PLD5: variants seen among roughly 807,000 people sequenced by gnomAD.
PLD5 encodes inactive phospholipase D5.
Under a neutral mutation model 61.1 loss-of-function variants are expected in PLD5, and 36 were observed. The observed-to-expected ratio is 0.59, with a 90% CI of 0.45 to 0.78. PLD5 has a LOEUF of 0.78. PLD5 is among the 30% of genes least tolerant of loss of function. The probability of loss-of-function intolerance (pLI) is 0.00; values close to 1 mark genes in which losing one functional copy is unlikely to be tolerated. For synonymous variants in PLD5, 243 were observed against 242.8 expected, an observed-to-expected ratio of 1.00 and a Z score of -0.01; for missense variants, 515 against 644.4, an observed-to-expected ratio of 0.80 and a Z score of 2.17.
At chr1:242,191,592 AAAG>A (rs1027969425) in intron 5 of PLD5, among the ~76,000 whole-genome samples, 2 of 152,192 alleles carry the variant, frequency 1.3e-5, no homozygotes, top group African/African-American at 4.8e-5. Context: ...TCTCGAGAAA[AAAG>A]AAAGAAAAAC....
chr1:242,402,665 T>C (rs1170113221), intron 1 of PLD5, among the ~76,000 whole-genome samples: 1 of 152,218 alleles, frequency 6.6e-6, no homozygotes, highest in Non-Finnish European at 1.5e-5. Context: ...GCTCACATAA[T>C]TTTTCTCTAC....
intron 4 of PLD5, among the ~76,000 whole-genome samples, chr1:242,233,310 G>A (rs1205597728): frequency 6.6e-6 from 1 of 152,198 alleles, no homozygotes; most frequent in African/African-American, 2.4e-5. Context: ...GGAATGACTT[G>A]CCTGTTGCCC....
At chr1:242,415,582 G>C (rs931209722) in intron 1 of PLD5, among the ~76,000 whole-genome samples, 6 of 150,070 alleles carry the variant, frequency 4.0e-5, no homozygotes, top group Non-Finnish European at 3.0e-5. Context: ...GCGAGATCTC[G>C]GTTCACTGCA....
intron 1 of PLD5, among the ~76,000 whole-genome samples, chr1:242,506,777 G>A (rs1015394371): frequency 1.4e-4 from 21 of 152,268 alleles, no homozygotes; most frequent in South Asian, 6.2e-4. Flanking sequence ...AATACTGGAC[G>A]GGAAAAGATT....
intron 5 of PLD5, among the ~76,000 whole-genome samples, chr1:242,166,278 G>C (rs767126915): frequency 1.3e-5 from 2 of 152,184 alleles, no homozygotes; most frequent in African/African-American, 2.4e-5. Context: ...TCACAGGTGG[G>C]ACAACTGGGC....
chr1:242,467,770 C>A (rs532996038), intron 1 of PLD5, among the ~76,000 whole-genome samples: 2 of 152,258 alleles, frequency 1.3e-5, no homozygotes, highest in South Asian at 4.1e-4. Context: ...TACTACTGAA[C>A]GATGGTTCCC....
intron 4 of PLD5, among the ~76,000 whole-genome samples, chr1:242,259,599 GAACTT>G (rs1195226227): frequency 6.6e-6 from 1 of 151,748 alleles, no homozygotes; most frequent in Non-Finnish European, 1.5e-5. Context: ...AAGAAAATGT[GAACTT>G]AACTTCTAGG....
intron 1 of PLD5, among the ~76,000 whole-genome samples, chr1:242,487,087 G>A (rs536332087): frequency 1.3e-5 from 2 of 152,080 alleles, no homozygotes; most frequent in Non-Finnish European, 2.9e-5. Flanking sequence ...GGGAGGGATA[G>A]CATTAGGAGA....
chr1:242,198,232 T>C (rs1668765910), intron 5 of PLD5, among the ~76,000 whole-genome samples: 1 of 152,194 alleles, frequency 6.6e-6, no homozygotes, highest in Admixed American at 6.5e-5. Context: ...ATTATAAGTG[T>C]TTGACTTCTG....
Position 242,360,511 on chromosome 1 carries a change from TGAAGAAA to T in PLD5, c.190-12276_190-12270del, listed in dbSNP as rs949892582. Among the ~76,000 whole-genome samples, 8 of 152,140 alleles carry T rather than the reference TGAAGAAA, an allele frequency of 5.3e-5. No individual in the cohort carries two copies. The South Asian group carries it at 8.3e-4, about 16-fold the overall frequency. ...ACTGTGTTGAAAAAAGCCCTCATAA[TGAAGAAA>T]GAAAACCACTCATAATCCTACTGAG... On this transcript the variant is annotated intron_variant, in intron 1 of 9. Transcript: ENST00000536534.
At chr1:242,319,519 TG>T (rs1290852343) in intron 2 of PLD5, among the ~76,000 whole-genome samples, 1 of 152,130 alleles carries the variant, frequency 6.6e-6, no homozygotes, top group Non-Finnish European at 1.5e-5. Context: ...CATGCAAATC[TG>T]CCCCCCAGTT....
chr1:242,134,824 C>T (rs1295440897), intron 5 of PLD5, among the ~76,000 whole-genome samples: 2 of 152,200 alleles, frequency 1.3e-5, no homozygotes, highest in African/African-American at 2.4e-5. Context: ...AGATTCCCAG[C>T]ACCATTGGTT....
At chr1:242,263,441 TGTG>T (rs1291494862) in intron 4 of PLD5, among the ~76,000 whole-genome samples, 1 of 150,982 alleles carries the variant, frequency 6.6e-6, no homozygotes, top group Non-Finnish European at 1.5e-5. Flanking sequence ...TAAAATGCAC[TGTG>T]ATCATTTAAT....
rs192909397 is a variant in PLD5 at position 242,108,531 on chromosome 1, A to C, written c.1071-692T>G. On this transcript the variant is annotated intron_variant, in intron 7 of 9. Coordinates refer to ENST00000536534, the MANE Select transcript of PLD5 (RefSeq NM_001372062.1). ...GTGCATTTTCTACCATGACCTGGCCACTTGGCTTATGATGTGGGGCAGACT... is the reference window on the plus strand; with the variant it reads ...GTGCATTTTCTACCATGACCTGGCCCCTTGGCTTATGATGTGGGGCAGACT... 3.4e-3 allele frequency among the ~76,000 whole-genome samples: 511 copies of C among 152,218 alleles called. 1 individual carries two copies. Among genetic ancestry groups the C allele is most frequent in the African/African-American group, 0.012 (492 of 41,554 alleles).
chr1:242,134,748 C>CACAT (rs1257855988), intron 5 of PLD5, among the ~76,000 whole-genome samples: 2 of 152,180 alleles, frequency 1.3e-5, no homozygotes, highest in Non-Finnish European at 2.9e-5. Context: ...GCTTTTCCCA[C>CACAT]ACATACGCCA....
chr1:242,379,678 C>T (rs188533558), intron 1 of PLD5, among the ~76,000 whole-genome samples: 2 of 152,188 alleles, frequency 1.3e-5, no homozygotes, highest in African/African-American at 4.8e-5. Context: ...CATGCAGTTT[C>T]CATTTTTTGC....
intron 8 of PLD5, among the ~76,000 whole-genome samples, chr1:242,102,850 TA>T (rs200736509): frequency 8.3e-4 from 125 of 151,436 alleles, no homozygotes; most frequent in African/African-American, 2.5e-3. Flanking sequence ...TTTAGTTTAT[TA>T]AAAAAAAAGT....
intron 9 of PLD5, among the ~76,000 whole-genome samples, chr1:242,096,641 C>T (rs1207731988): frequency 6.6e-6 from 1 of 150,942 alleles, no homozygotes; most frequent in Non-Finnish European, 1.5e-5. Flanking sequence ...CATACCCAGC[C>T]TATTTAGTTT....
At chr1:242,254,023 A>G (rs1045674032) in intron 4 of PLD5, among the ~76,000 whole-genome samples, 1 of 152,238 alleles carries the variant, frequency 6.6e-6, no homozygotes, top group Non-Finnish European at 1.5e-5. Context: ...AGCAAGAGTT[A>G]GTGCACAACC....
Sources: allele counts gnomAD v4.1 joint callset (sites outside exome capture counted in the v4.1 genomes callset), GRCh38; gene constraint gnomAD v4.1.1; transcripts MANE v1.5; gene names NCBI Gene and HGNC (gene_info 2026-07-23, HGNC 2026-07-21).